Variants in PPME1 observed in about 807,000 individuals in gnomAD.
PPME1 encodes testicular secretory protein Li 39.
PPME1 carries 17 observed loss-of-function variants against 56.9 expected under a neutral mutation model. That is an observed-to-expected ratio of 0.30 (90% CI 0.20 to 0.45). The LOEUF is 0.45. Among genes scored for constraint, PPME1 ranks in the 20% least tolerant of loss-of-function variants. The pLI is 1.00. For synonymous variants in PPME1, 122 were observed against 156.2 expected (o/e 0.78, Z 1.63); for missense variants, 357 against 483.2 (o/e 0.74, Z 2.45).
At chr11:74,189,865 A>T (rs1857788843) in intron 1 of PPME1, among the ~76,000 whole-genome samples, 1 of 152,180 alleles carries the variant, frequency 6.6e-6, no homozygotes. Context: ...TTAATGTTCT[A>T]CAGTTTTACC....
At chr11:74,235,505 C>T (rs770695032) in intron 7 of PPME1, among the ~76,000 whole-genome samples, 5 of 152,158 alleles carry the variant, frequency 3.3e-5, no homozygotes, top group Admixed American at 6.5e-5. Flanking sequence ...AACTTGTTAT[C>T]TATACTCCTC....
In PPME1 at chr11:74,230,126, C is replaced by T. The variant is rs2135661301; in HGVS notation, c.399-119C>T. The T allele has an allele frequency of 4.5e-6, 5 of 1,102,772 alleles. 1 individual carries two copies. In the Middle Eastern group the frequency reaches 1.1e-3, roughly 234 times the overall value. 68.3% of individuals were successfully genotyped at this position (1,102,772 alleles called of 1,614,324 possible). On this transcript the variant is annotated intron_variant, in intron 5 of 13. Transcript: ENST00000328257. The surrounding 1 kb of genome is among the most constrained non-coding windows in gnomAD (Gnocchi z 4.9). ...ACATAGGTATGTTTGTAAGATGGCC[C>T]AATAGACTTTTACAGTTTCCCAGCA...
rs750874749 is a variant in PPME1, at chr11:74,203,728, C to T, written c.102C>T (p.Gly34=). ...GSQSGAKMRM[G]PGRKRDFSPV... Reference sequence around the variant, plus strand: ...ATGTCTCTCTCTTTTTTTTCCTCAGCCCTGGAAGAAAGCGGGACTTTTCCC... The same window carrying T: ...ATGTCTCTCTCTTTTTTTTCCTCAGTCCTGGAAGAAAGCGGGACTTTTCCC... The change falls in exon 2 of 14, where the codon GGC becomes GGT. Residue 34 remains glycine, a splice_region_variant and synonymous_variant. Transcript: ENST00000328257. 1.2e-5 allele frequency: 19 copies of T among 1,606,676 alleles called. No individual in the cohort carries two copies. The Admixed American group carries it at 3.2e-4, about 27-fold the overall frequency.
At chr11:74,249,225 C>T (rs1304322341) in intron 11 of PPME1, 1 of 152,214 alleles carries the variant, frequency 6.6e-6, no homozygotes, top group South Asian at 2.1e-4. Flanking sequence ...ATGGCTAAGG[C>T]TGCATAGATT....
chr11:74,227,645 A>C (rs1272524910), intron 5 of PPME1, among the ~76,000 whole-genome samples: 1 of 152,212 alleles, frequency 6.6e-6, no homozygotes, highest in Non-Finnish European at 1.5e-5. Context: ...AAAATATGAC[A>C]GAATCCCTTT....
At chr11:74,234,491 A>G (rs17160052) in intron 7 of PPME1, among the ~76,000 whole-genome samples, 15,877 of 152,198 alleles carry the variant, frequency 0.1, 2,171 homozygotes, top group African/African-American at 0.32. Context: ...AGTTGATGAG[A>G]TAAAAGGAAA....
intron 1 of PPME1, among the ~76,000 whole-genome samples, chr11:74,203,130 A>T (rs1257048737): frequency 6.6e-6 from 1 of 152,164 alleles, no homozygotes; most frequent in African/African-American, 2.4e-5. Context: ...ACGATGTTTC[A>T]TTGAATACTT....
chr11:74,229,109 T>G (rs1401043136), intron 5 of PPME1, among the ~76,000 whole-genome samples: 2 of 152,226 alleles, frequency 1.3e-5, no homozygotes, highest in East Asian at 3.8e-4. Flanking sequence ...AGTTGTTGTA[T>G]GAGATTTTAA....
chr11:74,221,100 A>G (rs1292023044), intron 3 of PPME1, among the ~76,000 whole-genome samples: 1 of 152,046 alleles, frequency 6.6e-6, no homozygotes, highest in African/African-American at 2.4e-5. Context: ...ATTTGTAGTG[A>G]TTTTCTGACA....
rs756192938 is a variant in PPME1, at chr11:74,230,229, T to A, written c.399-16T>A. ...GTCAGAAAGCATTCTTAGATCTTTTTCTCTTCTCTTTGCAGAGACGTTGGC... is the reference window on the plus strand; with the variant it reads ...GTCAGAAAGCATTCTTAGATCTTTTACTCTTCTCTTTGCAGAGACGTTGGC... On this transcript the variant is annotated splice_polypyrimidine_tract_variant and intron_variant, in intron 5 of 13. Coordinates refer to ENST00000328257, the MANE Select transcript of PPME1 (RefSeq NM_016147.3). This position sits in a 1 kb window ranked among gnomAD's most constrained non-coding sequence, Gnocchi z 4.9. The A allele has an allele frequency of 1.3e-6, 2 of 1,586,170 alleles. No homozygotes were observed. The highest frequency in any genetic ancestry group is 1.9e-5 in the Admixed American group (1 of 52,004).
chr11:74,226,392 GAA>G (rs1858932683), intron 5 of PPME1, among the ~76,000 whole-genome samples: 1 of 152,138 alleles, frequency 6.6e-6, no homozygotes, highest in Admixed American at 6.5e-5. Context: ...GAGAGAGAGA[GAA>G]AGAAATAATG....
intron 8 of PPME1, 56 bp downstream of exon 8, chr11:74,236,022 T>A (rs1414092573): frequency 6.3e-7 from 1 of 1,584,566 alleles, no homozygotes; most frequent in Non-Finnish European, 8.6e-7. Flanking sequence ...GGTGAGGGAA[T>A]TACAGATTGC....
chr11:74,210,661 A>T (rs1858448771), intron 3 of PPME1, among the ~76,000 whole-genome samples: 1 of 151,988 alleles, frequency 6.6e-6, no homozygotes, highest in Non-Finnish European at 1.5e-5. Flanking sequence ...TTATCACATG[A>T]CCTTTGCACC....
At chr11:74,183,608 A>G (rs1857596564) in intron 1 of PPME1, among the ~76,000 whole-genome samples, 1 of 152,138 alleles carries the variant, frequency 6.6e-6, no homozygotes, top group African/African-American at 2.4e-5. Flanking sequence ...ATTCTTTTTT[A>G]TATAAAAAAT....
chr11:74,242,086 A>G (rs1223923092), intron 9 of PPME1, among the ~76,000 whole-genome samples: 1 of 152,204 alleles, frequency 6.6e-6, no homozygotes, highest in African/African-American at 2.4e-5. Flanking sequence ...TTCTTCTAAG[A>G]ATTTTCTTGT....
rs369949939 is a variant in PPME1, at chr11:74,251,692, A to G, written c.1119A>G (p.Ala373=). 2.9e-4 allele frequency: 468 copies of G among 1,613,864 alleles called. 1 individual carries two copies. The highest frequency in any genetic ancestry group is 5.7e-5 in the Non-Finnish European group (67 of 1,179,876). ...VATFLIRHRF[A]EPIGGFQCVF... Reference sequence around the variant, plus strand: ...CTTTCCTGATCCGGCACAGGTTTGCAGAACCCATCGGTGGATTCCAGTGGT... The same window carrying G: ...CTTTCCTGATCCGGCACAGGTTTGCGGAACCCATCGGTGGATTCCAGTGGT... Residue 373 remains alanine, a synonymous_variant, in exon 13 of 14, where the codon GCA becomes GCG. Transcript: ENST00000328257.
At chr11:74,198,825 G>C (rs190156374) in intron 1 of PPME1, 2 of 152,140 alleles carry the variant, frequency 1.3e-5, no homozygotes, top group African/African-American at 4.8e-5. Flanking sequence ...AGATGAGATC[G>C]GGTGCATTCA....
chr11:74,173,476 GA>G (rs1393887823), intron 1 of PPME1, among the ~76,000 whole-genome samples: 1 of 152,064 alleles, frequency 6.6e-6, no homozygotes, highest in Admixed American at 6.6e-5. Flanking sequence ...AAAAAAAAAG[GA>G]AAATCTGCTG....
At position 74,203,485 on chromosome 11, in the gene PPME1, T is replaced by C. The variant is rs372185279; in HGVS notation, c.102-243T>C. 1.1e-4 allele frequency among the ~76,000 whole-genome samples: 17 copies of C among 152,344 alleles called. No individual in the cohort carries two copies. The East Asian group carries it at 2.7e-3, about 24-fold the overall frequency. On this transcript the variant is annotated intron_variant, in intron 1 of 13. Coordinates refer to ENST00000328257, the MANE Select transcript of PPME1 (RefSeq NM_016147.3). ...TTTTGAAAAATCCTAAAATTTTTAC[T>C]CTTAAATCTATGTTTGGATTTAAAT...
Sources: allele counts gnomAD v4.1 joint callset (sites outside exome capture counted in the v4.1 genomes callset), GRCh38; gene constraint gnomAD v4.1.1; non-coding constraint Gnocchi (gnomAD v3.1); transcripts MANE v1.5; gene names NCBI Gene and HGNC (gene_info 2026-07-23, HGNC 2026-07-21).